LYPLAL1: variants seen among roughly 807,000 people sequenced by gnomAD.
LYPLAL1 encodes lysophospholipase like 1.
In LYPLAL1, 23 loss-of-function variants were observed where a neutral mutation model predicts 19.7. The ratio of observed to expected loss-of-function variants is 1.17; its 90% CI spans 0.84 to 1.65. LYPLAL1 has a LOEUF of 1.65. Ranked by LOEUF, LYPLAL1 falls within the 40% of genes most tolerant of loss-of-function variation. The pLI is 0.00. For missense variants in LYPLAL1, 355 were observed against 279.4 expected, an observed-to-expected ratio of 1.27 and a Z score of -1.93; for synonymous variants, 119 against 96.3, an observed-to-expected ratio of 1.24 and a Z score of -1.38.
the LYPLAL1 span, among the ~76,000 whole-genome samples, chr1:219,283,110 T>C: frequency 1.3e-5 from 2 of 152,184 alleles, no homozygotes; most frequent in Admixed American, 6.5e-5. Context: ...GCACAGAGTG[T>C]TGGAGTGATT....
chr1:219,262,304 C>G, the LYPLAL1 span, among the ~76,000 whole-genome samples: 1 of 152,068 alleles, frequency 6.6e-6, no homozygotes, highest in Non-Finnish European at 1.5e-5. Context: ...TCTCTGCTAT[C>G]TCTTTGAGTA....
the LYPLAL1 span, among the ~76,000 whole-genome samples, chr1:219,231,394 C>A: frequency 6.6e-6 from 1 of 152,110 alleles, no homozygotes; most frequent in Non-Finnish European, 1.5e-5. Flanking sequence ...TTTAGTCATT[C>A]TCCGGACTAA....
At chr1:219,174,759 G>C (rs965884435) in intron 1 of LYPLAL1, among the ~76,000 whole-genome samples, 2 of 152,176 alleles carry the variant, frequency 1.3e-5, no homozygotes, top group Non-Finnish European at 2.9e-5. Context: ...CACCCCCAGT[G>C]CTTGGCCCAG....
At chr1:219,340,373 C>T in the LYPLAL1 span, among the ~76,000 whole-genome samples, 396 of 152,058 alleles carry the variant, frequency 2.6e-3, 3 homozygotes, top group African/African-American at 8.2e-3. Context: ...ACCTAGATCT[C>T]GCTTCTGTTA....
chr1:219,282,293 C>T, the LYPLAL1 span, among the ~76,000 whole-genome samples: 1 of 149,248 alleles, frequency 6.7e-6, no homozygotes, highest in East Asian at 2.0e-4. Flanking sequence ...AAAAGTAGAA[C>T]AAAAATTAAA....
chr1:219,437,018 C>G, the LYPLAL1 span: 1 of 152,166 alleles, frequency 6.6e-6, no homozygotes, highest in African/African-American at 2.4e-5. Context: ...GGAGAAAACT[C>G]TGGGTGCCTG....
chr1:219,252,023 A>ATC, the LYPLAL1 span, among the ~76,000 whole-genome samples: 1 of 151,442 alleles, frequency 6.6e-6, no homozygotes, highest in African/African-American at 2.4e-5. Flanking sequence ...GTATTCCTAG[A>ATC]TATTTTACTC....
At chr1:219,403,775 A>T in the LYPLAL1 span, among the ~76,000 whole-genome samples, 1 of 152,186 alleles carries the variant, frequency 6.6e-6, no homozygotes, top group Non-Finnish European at 1.5e-5. Context: ...TCAATCTGAG[A>T]TTTCTCATCC....
At chr1:219,436,985 C>G in the LYPLAL1 span, 1 of 152,158 alleles carries the variant, frequency 6.6e-6, no homozygotes, top group Non-Finnish European at 1.5e-5. Context: ...TATTAGACAA[C>G]ACAGAATTAA....
chr1:219,334,351 C>A, the LYPLAL1 span, among the ~76,000 whole-genome samples: 1 of 151,992 alleles, frequency 6.6e-6, no homozygotes, highest in Non-Finnish European at 1.5e-5. Context: ...ATACTTTAAT[C>A]TTCTAATGTT....
At chr1:219,262,137 A>G in the LYPLAL1 span, among the ~76,000 whole-genome samples, 1 of 151,842 alleles carries the variant, frequency 6.6e-6, no homozygotes, top group Non-Finnish European at 1.5e-5. Context: ...GTTCTAGTCT[A>G]TTGTTCAAAC....
chr1:219,438,519 A>G, the LYPLAL1 span, among the ~76,000 whole-genome samples: 693 of 152,224 alleles, frequency 4.6e-3, 8 homozygotes, highest in African/African-American at 0.016. Context: ...GAAGTCTATT[A>G]CTCTCCATTG....
At chr1:219,440,984 T>C in the LYPLAL1 span, among the ~76,000 whole-genome samples, 2 of 152,278 alleles carry the variant, frequency 1.3e-5, no homozygotes, top group African/African-American at 2.4e-5. Flanking sequence ...GTGAATGTGA[T>C]TGAGCCTCTA....
At chr1:219,216,122 T>C (rs984506331), downstream of LYPLAL1, among the ~76,000 whole-genome samples, 1 of 152,072 alleles carries the variant, frequency 6.6e-6, no homozygotes, top group Non-Finnish European at 1.5e-5. Flanking sequence ...TCATCTCTAG[T>C]TTTTTTATTT....
At chr1:219,440,845 A>G in the LYPLAL1 span, among the ~76,000 whole-genome samples, 6 of 152,220 alleles carry the variant, frequency 3.9e-5, no homozygotes, top group African/African-American at 1.4e-4. Context: ...TCCTAATGAT[A>G]TAGTGTATCT....
rs145325389 is a variant in LYPLAL1, at chr1:219,204,949, T to C, written c.362-5583T>C. Among the ~76,000 whole-genome samples the C allele has an allele frequency of 1.1e-3, 166 of 152,260 alleles. 4 individuals carry two copies. In the East Asian group the frequency reaches 0.031, roughly 28 times the overall value. On this transcript the variant is annotated intron_variant, in intron 3 of 4. Transcript: ENST00000366928. ...ATAATATAAGCATATTATCAGAATT[T>C]TGAAGCAGAGAGAATCAAGTCTTTC...
the LYPLAL1 span, among the ~76,000 whole-genome samples, chr1:219,439,980 T>TATATATATACACAC: frequency 6.1e-5 from 4 of 65,446 alleles, no homozygotes; most frequent in Admixed American, 4.3e-4. Flanking sequence ...TATACATATA[T>TATATATATACACAC]ATATATATAT....
At chr1:219,211,331 G>A (rs533771506) in intron 4 of LYPLAL1, among the ~76,000 whole-genome samples, 161 bp from the exon 5 acceptor site, 2 of 152,052 alleles carry the variant, frequency 1.3e-5, no homozygotes, top group South Asian at 4.2e-4. Flanking sequence ...CCCAGGCCTG[G>A]CCCACCAATG....
chr1:219,330,507 C>G, the LYPLAL1 span, among the ~76,000 whole-genome samples: 1 of 152,074 alleles, frequency 6.6e-6, no homozygotes, highest in African/African-American at 2.4e-5. Flanking sequence ...CTGTGTTGAA[C>G]CTAAGTTACA....
Sources: allele counts gnomAD v4.1 joint callset (sites outside exome capture counted in the v4.1 genomes callset), GRCh38; gene constraint gnomAD v4.1.1; transcripts MANE v1.5; gene names NCBI Gene and HGNC (gene_info 2026-07-23, HGNC 2026-07-21).